TMPRSS12: variants seen among roughly 807,000 people sequenced by gnomAD.
TMPRSS12 encodes transmembrane protease serine 12.
A neutral mutation model predicts 26.0 loss-of-function variants in TMPRSS12; 25 were observed. The ratio of observed to expected loss-of-function variants is 0.96; its 90% CI spans 0.70 to 1.34. TMPRSS12 has a LOEUF of 1.34. Ranked by LOEUF, TMPRSS12 falls within the 40% of genes most tolerant of loss-of-function variation. TMPRSS12 has a pLI of 0.00. For missense variants in TMPRSS12, 441 were observed against 440.1 expected (o/e 1.00, Z -0.02); for synonymous variants, 150 against 161.7 (o/e 0.93, Z 0.55).
chr12:50,878,754 C>T (rs7134275), intron 3 of TMPRSS12, among the ~76,000 whole-genome samples: 78,312 of 151,806 alleles, frequency 0.52, 20,847 homozygotes, highest in East Asian at 0.65. Flanking sequence ...CCTTACGCCG[C>T]GAAAAAAAAC....
chr12:50,872,235 C>T (rs1252207148), intron 3 of TMPRSS12, among the ~76,000 whole-genome samples: 14 of 152,072 alleles, frequency 9.2e-5, no homozygotes, highest in Admixed American at 1.3e-4. Flanking sequence ...CTGTGAAGGC[C>T]GGGCGCGGTG....
intron 3 of TMPRSS12, among the ~76,000 whole-genome samples, chr12:50,874,197 A>G (rs1281791371): frequency 6.6e-6 from 1 of 152,186 alleles, no homozygotes; most frequent in African/African-American, 2.4e-5. Context: ...AAAATAGAGA[A>G]GGGAGTATTT....
At chr12:50,872,959 A>G (rs1213288536) in intron 3 of TMPRSS12, among the ~76,000 whole-genome samples, 1 of 150,102 alleles carries the variant, frequency 6.7e-6, no homozygotes, top group African/African-American at 2.4e-5. Flanking sequence ...TGACGTATAT[A>G]TATGTACATA....
intron 3 of TMPRSS12, among the ~76,000 whole-genome samples, chr12:50,878,066 A>G (rs1408270168): frequency 2.0e-5 from 3 of 152,216 alleles, no homozygotes; most frequent in Non-Finnish European, 4.4e-5. Context: ...AGAAGACTCA[A>G]TGTTGTTAAT....
chr12:50,851,004 C>T (rs1448632835), intron 2 of TMPRSS12, among the ~76,000 whole-genome samples: 1 of 152,194 alleles, frequency 6.6e-6, no homozygotes, highest in Non-Finnish European at 1.5e-5. Context: ...CAACTTATAA[C>T]ACAGTCAAAC....
Position 50,887,394 on chromosome 12 carries a change from C to A in TMPRSS12, c.928C>A (p.Gln310Lys). The A allele has an allele frequency of 6.2e-7, 1 of 1,613,836 alleles. No individual in the cohort carries two copies. Among genetic ancestry groups the A allele is most frequent in the South Asian group, 1.1e-5 (1 of 91,080 alleles). ...PGVYIGPSFY[Q>K]KWLTEHFFHA... Reference sequence around the variant, plus strand: ...TGTCTATATTGGGCCATCCTTCTACCAAAAGTGGCTGACAGAGCATTTCTT... The same window carrying A: ...TGTCTATATTGGGCCATCCTTCTACAAAAAGTGGCTGACAGAGCATTTCTT... Residue 310 changes from glutamine to lysine, a missense_variant, in exon 5 of 5, where the codon CAA becomes AAA. By Grantham distance (53) the Gln-to-Lys change is moderately conservative (BLOSUM62 1). Transcript: ENST00000398458.
intron 2 of TMPRSS12, among the ~76,000 whole-genome samples, chr12:50,854,761 G>A (rs1202948164): frequency 6.6e-6 from 1 of 152,208 alleles, no homozygotes; most frequent in Non-Finnish European, 1.5e-5. Context: ...AACCAGGGAT[G>A]TGAAAGCTCT....
chr12:50,869,736 T>A (rs1204333081), intron 3 of TMPRSS12, among the ~76,000 whole-genome samples: 5 of 152,020 alleles, frequency 3.3e-5, no homozygotes, highest in Admixed American at 2.6e-4. Context: ...TGAACATAGG[T>A]GCTAAAACCC....
intron 3 of TMPRSS12, among the ~76,000 whole-genome samples, chr12:50,867,417 C>A (rs1938001783): frequency 6.6e-6 from 1 of 152,038 alleles, no homozygotes; most frequent in African/African-American, 2.4e-5. Flanking sequence ...CCCAATCCAA[C>A]AAAGACAAAG....
At chr12:50,885,196 C>T (rs1412044908) in intron 3 of TMPRSS12, 50 bp from the exon 4 acceptor site, 1 of 1,503,616 alleles carries the variant, frequency 6.7e-7, no homozygotes, top group African/African-American at 1.4e-5. Context: ...ATTTAAATCA[C>T]TGTAAAAATG....
intron 3 of TMPRSS12, among the ~76,000 whole-genome samples, chr12:50,882,451 G>A (rs1938185165): frequency 6.6e-6 from 1 of 151,746 alleles, no homozygotes; most frequent in Admixed American, 6.6e-5. Flanking sequence ...TTAATGAACA[G>A]AAAATAAAGA....
At chr12:50,876,765 C>T (rs1040513580) in intron 3 of TMPRSS12, among the ~76,000 whole-genome samples, 3 of 140,754 alleles carry the variant, frequency 2.1e-5, no homozygotes, top group Non-Finnish European at 3.0e-5. Flanking sequence ...GATCGTGCCA[C>T]TGCACTCCAG....
At chr12:50,856,178 C>T (rs1181054849) in intron 2 of TMPRSS12, among the ~76,000 whole-genome samples, 5 of 152,216 alleles carry the variant, frequency 3.3e-5, no homozygotes, top group East Asian at 3.9e-4. Context: ...CAAACCAGCA[C>T]GTGTACCCCC....
intron 3 of TMPRSS12, among the ~76,000 whole-genome samples, chr12:50,872,301 C>T (rs906982795): frequency 6.6e-6 from 1 of 151,062 alleles, no homozygotes; most frequent in Non-Finnish European, 1.5e-5. Flanking sequence ...ATCATGAGGT[C>T]AGGAGATCGA....
intron 3 of TMPRSS12, among the ~76,000 whole-genome samples, chr12:50,863,334 C>T (rs924179381): frequency 3.3e-5 from 5 of 151,946 alleles, no homozygotes; most frequent in Admixed American, 2.0e-4. Flanking sequence ...CAATGCTAAA[C>T]GTGTGTACAC....
At chr12:50,875,405 C>T (rs1330445870) in intron 3 of TMPRSS12, among the ~76,000 whole-genome samples, 1 of 140,540 alleles carries the variant, frequency 7.1e-6, no homozygotes, top group Non-Finnish European at 1.5e-5. Context: ...GCAGGAGAAT[C>T]GCTTGAACGT....
At chr12:50,843,173 C>T (rs773910972) in intron 1 of TMPRSS12, 22 bp downstream of exon 1, 5 of 1,530,440 alleles carry the variant, frequency 3.3e-6, no homozygotes, top group Admixed American at 2.1e-5. Context: ...TCGTGCCTGT[C>T]TCTGGGGAGC....
intron 2 of TMPRSS12, among the ~76,000 whole-genome samples, chr12:50,855,342 T>A (rs917114890): frequency 6.6e-6 from 1 of 152,176 alleles, no homozygotes; most frequent in Admixed American, 6.5e-5. Flanking sequence ...CTAGGATCTA[T>A]AAGGAACTTA....
At position 50,887,488 on chromosome 12, in the gene TMPRSS12, T is replaced by C; in HGVS notation, c.1022T>C (p.Phe341Ser). ...GGCCAGATCCTCATAGCTTTATGTT[T>C]TGTCATCTTACTAGCAACAACATAA... ...LRGQILIALC[F>S]VILLATT Residue 341 changes from phenylalanine (F) to serine (S), a missense_variant, in exon 5 of 5, where the codon TTT (phenylalanine) becomes TCT (serine). Transcript: ENST00000398458. 1 of 1,613,262 alleles carries C rather than the reference T, an allele frequency of 6.2e-7. No individual in the cohort carries two copies. The highest frequency in any genetic ancestry group is 2.2e-5 in the East Asian group (1 of 44,850).
Sources: allele counts gnomAD v4.1 joint callset (sites outside exome capture counted in the v4.1 genomes callset), GRCh38; gene constraint gnomAD v4.1.1; transcripts MANE v1.5; gene names NCBI Gene and HGNC (gene_info 2026-07-23, HGNC 2026-07-21).